The following GADL1 variants were observed in gnomAD, a reference collection of about 807,000 sequenced individuals.
The protein encoded by GADL1 is GAD like acidic amino acid decarboxylase 1, also known as acidic amino acid decarboxylase GADL1.
GADL1 carries 71 observed loss-of-function variants against 69.5 expected under a neutral mutation model. The observed-to-expected ratio is 1.02, with a 90% CI of 0.84 to 1.25. The LOEUF (loss-of-function observed/expected upper bound fraction) is 1.25, where lower values mean the gene tolerates loss of function less well. Among genes scored for constraint, GADL1 ranks in the 50% most tolerant of loss-of-function variants. The probability of loss-of-function intolerance (pLI) is 0.00; values close to 1 mark genes in which losing one functional copy is unlikely to be tolerated. For missense variants in GADL1, 737 were observed against 631.8 expected (o/e 1.17, Z -1.79); for synonymous variants, 254 against 214.4 (o/e 1.18, Z -1.62).
intron 11 of GADL1, among the ~76,000 whole-genome samples, chr3:30,807,353 G>A (rs1044890448): frequency 5.3e-5 from 8 of 152,156 alleles, no homozygotes; most frequent in African/African-American, 1.9e-4. Context: ...TTAATGGAAT[G>A]TATTTGCCAG....
intron 14 of GADL1, among the ~76,000 whole-genome samples, chr3:30,763,133 CTG>C (rs1334404374): frequency 2.0e-5 from 3 of 152,136 alleles, no homozygotes; most frequent in African/African-American, 4.8e-5. Flanking sequence ...AAGTAGAACT[CTG>C]TATGTGTATT....
At chr3:30,886,999 G>C (rs1449131070) in intron 1 of GADL1, among the ~76,000 whole-genome samples, 1 of 152,204 alleles carries the variant, frequency 6.6e-6, no homozygotes, top group Non-Finnish European at 1.5e-5. Context: ...ACTACTCTGG[G>C]AGGCAGGCTC....
chr3:30,781,482 C>G (rs896128860), intron 13 of GADL1, among the ~76,000 whole-genome samples: 1 of 152,138 alleles, frequency 6.6e-6, no homozygotes, highest in Admixed American at 6.5e-5. Flanking sequence ...CAGAATCCAG[C>G]ACACAGATTC....
At position 30,727,420 on chromosome 3, in the gene GADL1, G is replaced by GTATATA. The variant is rs1190568727; in HGVS notation, c.*821_*822insTATATA. On this transcript the variant is annotated 3_prime_UTR_variant, in exon 15 of 15. Transcript: ENST00000282538. ...TATATATATATATATATGTGTGTGT[G>GTATATA]TGTATATATATATATATATATAATT... is the stretch of plus-strand genomic sequence containing the variant. The GTATATA allele has an allele frequency of 1.4e-5, 2 of 143,468 alleles. No individual in the cohort carries two copies. The highest frequency in any genetic ancestry group is 5.2e-5 in the African/African-American group (2 of 38,330). The allele number at this position is 143,468 out of a possible 1,614,324, so 8.9% of individuals were successfully genotyped here.
intron 14 of GADL1, among the ~76,000 whole-genome samples, chr3:30,732,094 A>G (rs572441015): frequency 6.6e-6 from 1 of 152,298 alleles, no homozygotes; most frequent in Non-Finnish European, 1.5e-5. Flanking sequence ...CTTAAAATCA[A>G]CCATTTTTTA....
intron 11 of GADL1, among the ~76,000 whole-genome samples, chr3:30,818,111 A>G (rs1311294601): frequency 8.5e-5 from 13 of 152,104 alleles, no homozygotes; most frequent in Admixed American, 8.5e-4. Context: ...CCTCTCATCC[A>G]TAGACATGGG....
At chr3:30,888,107 G>A (rs974937398) in intron 1 of GADL1, among the ~76,000 whole-genome samples, 27 of 152,150 alleles carry the variant, frequency 1.8e-4, no homozygotes, top group Non-Finnish European at 3.1e-4. Flanking sequence ...TTGTTTTTGC[G>A]TTATTTTTTG....
chr3:30,823,838 A>G (rs1301006938), intron 11 of GADL1, among the ~76,000 whole-genome samples: 1 of 152,006 alleles, frequency 6.6e-6, no homozygotes, highest in Non-Finnish European at 1.5e-5. Flanking sequence ...TTATAAAGCT[A>G]GAAAGACAAA....
At chr3:30,880,879 A>G (rs1698632873) in intron 1 of GADL1, among the ~76,000 whole-genome samples, 1 of 151,950 alleles carries the variant, frequency 6.6e-6, no homozygotes, top group Non-Finnish European at 1.5e-5. Context: ...ACCTCAAGAA[A>G]GCTCCTAAAA....
At chr3:30,772,418 A>T (rs1696437791) in intron 14 of GADL1, among the ~76,000 whole-genome samples, 1 of 152,238 alleles carries the variant, frequency 6.6e-6, no homozygotes, top group South Asian at 2.1e-4. Flanking sequence ...ATGATGGGGC[A>T]AAACAAACTA....
At position 30,823,759 on chromosome 3, in the gene GADL1, A is replaced by C. The variant is rs1464887815; in HGVS notation, c.1050+10094T>G. Among the ~76,000 whole-genome samples the C allele has an allele frequency of 2.6e-5, 4 of 151,976 alleles. No homozygotes were observed. In the East Asian group the frequency reaches 7.7e-4, roughly 29 times the overall value. Reference sequence around the variant, plus strand: ...CTATGCTTACAGTGTTCAAGTATATAAAAGCTAATCTTAAAAACGCCAATA... The same window carrying C: ...CTATGCTTACAGTGTTCAAGTATATCAAAGCTAATCTTAAAAACGCCAATA... On this transcript the variant is annotated intron_variant, in intron 11 of 14. Transcript: ENST00000282538.
intron 12 of GADL1, among the ~76,000 whole-genome samples, chr3:30,794,298 T>TTTGTTG (rs3043720): frequency 2.2e-4 from 34 of 151,770 alleles, no homozygotes; most frequent in Admixed American, 1.2e-3. Flanking sequence ...TCCTGAGCTG[T>TTTGTTG]TTGTTGTTGA....
chr3:30,848,825 C>T (rs1259203189), intron 6 of GADL1, among the ~76,000 whole-genome samples: 1 of 152,112 alleles, frequency 6.6e-6, no homozygotes, highest in Non-Finnish European at 1.5e-5. Context: ...TAACATTTGC[C>T]AAAACTCACT....
intron 14 of GADL1, among the ~76,000 whole-genome samples, chr3:30,770,743 A>AGCCTATC (rs1696397825): frequency 1.3e-5 from 2 of 152,054 alleles, no homozygotes; most frequent in Non-Finnish European, 2.9e-5. Flanking sequence ...TTCATTCTTT[A>AGCCTATC]TTTTAATTTT....
intron 14 of GADL1, among the ~76,000 whole-genome samples, chr3:30,730,803 T>C (rs1487792588): frequency 6.6e-6 from 1 of 152,168 alleles, no homozygotes; most frequent in Non-Finnish European, 1.5e-5. Flanking sequence ...TCACCTTAGG[T>C]AGGAGGGCTT....
intron 12 of GADL1, among the ~76,000 whole-genome samples, chr3:30,796,034 C>A (rs1412684641): frequency 6.6e-6 from 1 of 152,140 alleles, no homozygotes; most frequent in Non-Finnish European, 1.5e-5. Context: ...ATTTATCCTC[C>A]TGTGATATTT....
intron 14 of GADL1, among the ~76,000 whole-genome samples, chr3:30,770,761 T>G (rs990031134): frequency 6.6e-6 from 1 of 152,068 alleles, no homozygotes; most frequent in Non-Finnish European, 1.5e-5. Flanking sequence ...TTTCAAGAGA[T>G]AGGCTAAACT....
chr3:30,745,914 TTTC>T (rs933168929), intron 14 of GADL1, among the ~76,000 whole-genome samples: 1 of 151,882 alleles, frequency 6.6e-6, no homozygotes, highest in African/African-American at 2.4e-5. Flanking sequence ...ATTCTTTCCA[TTTC>T]TTCTTCTTCT....
Position 30,838,380 on chromosome 3 carries a change from G to A in GADL1, c.903+617C>T, listed in dbSNP as rs192105168. Among the ~76,000 whole-genome samples, 414 of 152,170 alleles carry A rather than the reference G, an allele frequency of 2.7e-3. 1 individual carries two copies. Among genetic ancestry groups the A allele is most frequent in the Non-Finnish European group, 4.1e-3 (281 of 67,998 alleles). The stretch of plus-strand genomic sequence containing the variant: ...AAGGAAATATGTATTTTGAATAACC[G>A]CAGGACTTACAAAAATTCTTTTAAA... On this transcript the variant is annotated intron_variant, in intron 9 of 14. Coordinates refer to ENST00000282538, the MANE Select transcript of GADL1 (RefSeq NM_207359.3).
Sources: allele counts gnomAD v4.1 joint callset (sites outside exome capture counted in the v4.1 genomes callset), GRCh38; gene constraint gnomAD v4.1.1; transcripts MANE v1.5; gene names NCBI Gene and HGNC (gene_info 2026-07-23, HGNC 2026-07-21).